Variants in UBOX5 observed in about 807,000 individuals in gnomAD.
UBOX5 encodes RING finger protein 37.
UBOX5 carries 28 observed loss-of-function variants against 39.0 expected under a neutral mutation model. The ratio of observed to expected loss-of-function variants is 0.72; its 90% CI spans 0.53 to 0.98. The LOEUF (loss-of-function observed/expected upper bound fraction) is 0.98. Ranked by LOEUF, UBOX5 falls within the 50% of genes least tolerant of loss-of-function variation. The pLI is 0.00. For synonymous variants in UBOX5, 283 were observed against 275.5 expected (o/e 1.03, Z -0.27); for missense variants, 585 against 674.4 (o/e 0.87, Z 1.47).
chr20:3,113,526 G>A (rs1189246296), intron 4 of UBOX5, among the ~76,000 whole-genome samples: 1 of 152,106 alleles, frequency 6.6e-6, no homozygotes, highest in Non-Finnish European at 1.5e-5. Context: ...GTAAGGCGAG[G>A]ATGGGGGGAT....
At chr20:3,120,027 G>A (rs2066321861) in intron 3 of UBOX5, among the ~76,000 whole-genome samples, 1 of 151,774 alleles carries the variant, frequency 6.6e-6, no homozygotes, top group African/African-American at 2.4e-5. Context: ...CCAGGGAAGA[G>A]GCAGGAAGCC....
At chr20:3,125,083 G>A (rs2066370335) in intron 1 of UBOX5, among the ~76,000 whole-genome samples, 3 of 148,346 alleles carry the variant, frequency 2.0e-5, no homozygotes, top group South Asian at 2.1e-4. Context: ...CGCCCCATCT[G>A]GGAAGTGGGG....
At position 3,131,112 on chromosome 20, in the gene UBOX5, C is replaced by T. The variant is rs150459283; in HGVS notation, c.-41-7706G>A. On this transcript the variant is annotated intron_variant, in intron 1 of 4. Coordinates refer to ENST00000217173, the MANE Select transcript of UBOX5 (RefSeq NM_014948.4). ...GGCATGGTGGCGTGAGCCTGTAGCC[C>T]CAGTTACTCGGGAGGCTGAAGCAGA... 4.2e-3 allele frequency among the ~76,000 whole-genome samples: 633 copies of T among 151,926 alleles called. 4 individuals are homozygous for T. Among genetic ancestry groups the T allele is most frequent in the African/African-American group, 0.015 (603 of 41,438 alleles).
At chr20:3,127,112 G>T (rs1270259367) in intron 1 of UBOX5, among the ~76,000 whole-genome samples, 1 of 150,788 alleles carries the variant, frequency 6.6e-6, no homozygotes, top group African/African-American at 2.4e-5. Context: ...AATGGCTTCT[G>T]GTAACTCTGT....
At chr20:3,138,010 C>T (rs919375055) in intron 1 of UBOX5, among the ~76,000 whole-genome samples, 1 of 152,178 alleles carries the variant, frequency 6.6e-6, no homozygotes, top group Non-Finnish European at 1.5e-5. Flanking sequence ...TGGTGGCTCA[C>T]GCCTGTAATC....
At position 3,110,325 on chromosome 20, in the gene UBOX5, A is replaced by G. The variant is rs1303298790; in HGVS notation, c.1418-11T>C. ...TGCTCCCAGGCTGCTCTGGTAAATC[A>G]GGAAGGAAAACAGGCCAGGGTTAGG... is the stretch of plus-strand genomic sequence containing the variant. On this transcript the variant is annotated splice_polypyrimidine_tract_variant and intron_variant, in intron 4 of 4. Transcript: ENST00000217173. The G allele has an allele frequency of 5.0e-6, 8 of 1,613,822 alleles. No homozygotes were observed. The highest frequency in any genetic ancestry group is 1.7e-5 in the Admixed American group (1 of 59,980).
At chr20:3,145,099 A>G (rs1321006828) in intron 1 of UBOX5, among the ~76,000 whole-genome samples, 5 of 152,234 alleles carry the variant, frequency 3.3e-5, no homozygotes, top group African/African-American at 1.2e-4. Flanking sequence ...TTTTAATTTT[A>G]GAGCACGTGA....
chr20:3,155,486 G>T (rs1006104404), intron 1 of UBOX5, among the ~76,000 whole-genome samples: 1 of 151,998 alleles, frequency 6.6e-6, no homozygotes, highest in Non-Finnish European at 1.5e-5. Flanking sequence ...AGGCGAGGTC[G>T]CACCACTGCA....
intron 1 of UBOX5, among the ~76,000 whole-genome samples, chr20:3,146,029 G>A (rs369721439): frequency 4.0e-5 from 6 of 149,278 alleles, no homozygotes; most frequent in African/African-American, 7.5e-5. Context: ...CTGGGCAACC[G>A]AGGGAGACTC....
At chr20:3,133,767 A>G (rs2066448251) in intron 1 of UBOX5, among the ~76,000 whole-genome samples, 1 of 150,526 alleles carries the variant, frequency 6.6e-6, no homozygotes, top group African/African-American at 2.5e-5. Flanking sequence ...GGGGGGGGGA[A>G]ACAGGCTCTC....
At chr20:3,123,913 T>A (rs2066357352) in intron 1 of UBOX5, among the ~76,000 whole-genome samples, 1 of 152,072 alleles carries the variant, frequency 6.6e-6, no homozygotes. Context: ...AGAGGCCAGG[T>A]GTGGTGGCTC....
chr20:3,143,531 C>G (rs771825917), intron 1 of UBOX5, among the ~76,000 whole-genome samples: 8 of 152,148 alleles, frequency 5.3e-5, no homozygotes, highest in Non-Finnish European at 1.2e-4. Context: ...TACAGTGGCT[C>G]ACACCTGTAA....
intron 1 of UBOX5, among the ~76,000 whole-genome samples, chr20:3,153,310 G>T (rs764255384): frequency 5.9e-5 from 9 of 152,348 alleles, no homozygotes; most frequent in Non-Finnish European, 1.3e-4. Context: ...CACAGGCTAA[G>T]ATCCAAGATG....
chr20:3,111,951 A>T (rs2066256939), intron 4 of UBOX5, among the ~76,000 whole-genome samples: 1 of 152,206 alleles, frequency 6.6e-6, no homozygotes, highest in Non-Finnish European at 1.5e-5. Flanking sequence ...CACGGGGAGC[A>T]GGAACTGAAG....
At chr20:3,134,034 G>A (rs945718500) in intron 1 of UBOX5, among the ~76,000 whole-genome samples, 3 of 152,042 alleles carry the variant, frequency 2.0e-5, no homozygotes, top group African/African-American at 7.2e-5. Context: ...TGAGATTACA[G>A]GTGTGAGCCA....
At chr20:3,113,637 T>C (rs897039013) in intron 4 of UBOX5, among the ~76,000 whole-genome samples, 2 of 151,990 alleles carry the variant, frequency 1.3e-5, no homozygotes, top group East Asian at 1.9e-4. Context: ...TGAGGTCACC[T>C]TGGGGGAGGA....
intron 3 of UBOX5, among the ~76,000 whole-genome samples, chr20:3,118,337 G>A (rs879342290): frequency 2.0e-5 from 3 of 152,096 alleles, no homozygotes; most frequent in Non-Finnish European, 4.4e-5. Context: ...GCTGGGCACG[G>A]TTGTGGGCAC....
At position 3,149,509 on chromosome 20, in the gene UBOX5, T is replaced by G. The variant is rs11904886; in HGVS notation, c.-42+10257A>C. ...CTGCTGCTCACCAGACTTCCTTCACTGTACAAGGCAAGCAGTGACGGCTAA... is the reference window on the plus strand; with the variant it reads ...CTGCTGCTCACCAGACTTCCTTCACGGTACAAGGCAAGCAGTGACGGCTAA... On this transcript the variant is annotated intron_variant, in intron 1 of 4. Transcript: ENST00000217173. This position sits in a 1 kb window ranked among gnomAD's most constrained non-coding sequence, Gnocchi z 4.1. Among the ~76,000 whole-genome samples the G allele has an allele frequency of 6.6e-6, 1 of 152,154 alleles. No homozygotes were observed.
intron 1 of UBOX5, among the ~76,000 whole-genome samples, chr20:3,144,735 A>T (rs1360004352): frequency 6.6e-6 from 1 of 152,248 alleles, no homozygotes; most frequent in East Asian, 1.9e-4. Context: ...ACTTATATAT[A>T]TACAATCTCC....
Sources: gnomAD v4.1 joint callset for allele counts (sites outside exome capture counted in the v4.1 genomes callset) on GRCh38, gnomAD v4.1.1 for gene constraint, Gnocchi (gnomAD v3.1) non-coding constraint, MANE v1.5 for transcripts, NCBI Gene and HGNC (gene_info 2026-07-23, HGNC 2026-07-21) for gene names.